The following BNC2 variants were observed in gnomAD, a reference collection of about 807,000 sequenced individuals.
BNC2 encodes the protein basonuclin zinc finger protein 2.
BNC2 carries 20 observed loss-of-function variants against 76.3 expected under a neutral mutation model. The ratio of observed to expected loss-of-function variants is 0.26; its 90% confidence interval spans 0.18 to 0.38. The LOEUF (loss-of-function observed/expected upper bound fraction) is 0.38, where lower values mean the gene tolerates loss of function less well. Ranked by LOEUF, BNC2 falls within the 10% of genes least tolerant of loss-of-function variation. The pLI is 1.00. For missense variants in BNC2, 1,382 were observed against 1,399.8 expected (o/e 0.99, Z 0.20); for synonymous variants, 582 against 514.8 (o/e 1.13, Z -1.77).
At chr9:16,464,438 G>C (rs1821660649) in intron 5 of BNC2, among the ~76,000 whole-genome samples, 1 of 152,074 alleles carries the variant, frequency 6.6e-6, no homozygotes, top group African/African-American at 2.4e-5. Flanking sequence ...AGAAACTTCA[G>C]CTGAGGTCAT....
intron 5 of BNC2, among the ~76,000 whole-genome samples, chr9:16,517,687 C>T (rs1817480261): frequency 6.6e-6 from 1 of 152,134 alleles, no homozygotes; most frequent in African/African-American, 2.4e-5. Context: ...TACTTCCTTC[C>T]TCCAAAGCTT....
intron 2 of BNC2, among the ~76,000 whole-genome samples, chr9:16,736,926 C>A (rs1329081554): frequency 6.6e-6 from 1 of 152,112 alleles, no homozygotes; most frequent in Non-Finnish European, 1.5e-5. Context: ...ACTGCCCCAG[C>A]CTCCCGAGTA....
intron 3 of BNC2, among the ~76,000 whole-genome samples, chr9:16,652,098 A>T (rs1821809992): frequency 1.3e-5 from 2 of 152,206 alleles, no homozygotes; most frequent in Non-Finnish European, 2.9e-5. Flanking sequence ...GTTAATACCC[A>T]AAGGCAGACT....
At position 16,436,456 on chromosome 9, in the gene BNC2, C is replaced by A. The variant is rs483353012; in HGVS notation, c.1738G>T (p.Gly580Trp). The A allele has an allele frequency of 6.8e-6, 11 of 1,614,058 alleles. No homozygotes were observed. The highest frequency in any genetic ancestry group is 9.3e-6 in the Non-Finnish European group (11 of 1,180,004). The change falls in exon 6 of 7, where the codon GGG (glycine) becomes TGG (tryptophan). Residue 580 changes from glycine (G) to tryptophan (W), a missense_variant. Physicochemically the swap from Gly to Trp is radical, Grantham distance 184 (BLOSUM62 -2). Around this residue, in one of 3 missense-constraint regions of BNC2, gnomAD observed 798 missense variants for 775.5 expected, o/e 1.03. Coordinates refer to ENST00000380672, the MANE Select transcript of BNC2 (RefSeq NM_017637.6). ...PPFYRSLLTP[G>W]EMVSPPTSLP... ...GAGGTTGGAGGACTCACCATTTCCCCTGGAGTGAGTAAACTTCTATAAAAT... is the reference window on the plus strand; with the variant it reads ...GAGGTTGGAGGACTCACCATTTCCCATGGAGTGAGTAAACTTCTATAAAAT...
chr9:16,759,792 C>G (rs546622302), intron 1 of BNC2, among the ~76,000 whole-genome samples: 1 of 151,692 alleles, frequency 6.6e-6, no homozygotes, highest in African/African-American at 2.4e-5. Flanking sequence ...GGCACCATCC[C>G]GGCTCACTGC....
chr9:16,631,781 C>T (rs1309877363), intron 3 of BNC2, among the ~76,000 whole-genome samples: 1 of 152,110 alleles, frequency 6.6e-6, no homozygotes, highest in Non-Finnish European at 1.5e-5. Context: ...CAGAAACACA[C>T]AGAGATTTCC....
intron 3 of BNC2, among the ~76,000 whole-genome samples, chr9:16,699,810 G>C (rs967738716): frequency 1.3e-5 from 2 of 152,152 alleles, no homozygotes; most frequent in African/African-American, 4.8e-5. Context: ...TAGCTAAAAA[G>C]TCTGGACTCT....
intron 1 of BNC2, among the ~76,000 whole-genome samples, chr9:16,816,280 AT>A (rs1393570427): frequency 1.3e-4 from 20 of 152,166 alleles, no homozygotes; most frequent in African/African-American, 4.8e-4. Flanking sequence ...ACCAGTGTTG[AT>A]TCTGATGAAC....
rs1385207025 is a variant in BNC2 at position 16,413,782 on chromosome 9, TGAAGA to T, written c.*5202_*5206del. ...TGTGGTTTATCTCTGAGGGAAAATGTGAAGAGAAGTTACTTACATACCTCATAGAA... is the reference window on the plus strand; with the variant it reads ...TGTGGTTTATCTCTGAGGGAAAATGTGAAGTTACTTACATACCTCATAGAA... On this transcript the variant is annotated 3_prime_UTR_variant, in exon 7 of 7. Coordinates refer to ENST00000380672, the MANE Select transcript of BNC2 (RefSeq NM_017637.6). The T allele has an allele frequency of 6.6e-6, 1 of 152,194 alleles. No homozygotes were observed. The highest frequency in any genetic ancestry group is 2.4e-5 in the African/African-American group (1 of 41,434). 9.4% of individuals were successfully genotyped at this position (152,194 alleles called of 1,614,324 possible). A position where few individuals can be genotyped will look rare whatever the true frequency, so the allele number is the denominator to read the frequency against.
chr9:16,442,043 A>G (rs1821139398), intron 5 of BNC2, among the ~76,000 whole-genome samples: 1 of 152,204 alleles, frequency 6.6e-6, no homozygotes, highest in African/African-American at 2.4e-5. Context: ...GCAATTTTGT[A>G]GCTGGTAAGT....
rs1265004528 is a variant in BNC2 at position 16,429,660 on chromosome 9, T to C, written c.2639+5895A>G. ...AAAAATAAGAGTTATATAGAAGCAT[T>C]GTATTTGTGCAACAGAGGTTATAAT... is the stretch of plus-strand genomic sequence containing the variant. On this transcript the variant is annotated intron_variant, in intron 6 of 6. Coordinates refer to ENST00000380672, the MANE Select transcript of BNC2 (RefSeq NM_017637.6). 4 of 255,356 alleles carry C rather than the reference T, an allele frequency of 1.6e-5. No individual in the cohort carries two copies. The South Asian group carries it at 1.9e-4, about 12-fold the overall frequency. The allele number at this position is 255,356 out of a possible 1,614,324, so 15.8% of individuals were successfully genotyped here.
chr9:16,659,159 T>C (rs1047421121), intron 3 of BNC2, among the ~76,000 whole-genome samples: 8 of 150,576 alleles, frequency 5.3e-5, no homozygotes, highest in Non-Finnish European at 7.4e-5. Flanking sequence ...GGGGGGGGCA[T>C]GTGAATGCAC....
intron 5 of BNC2, among the ~76,000 whole-genome samples, chr9:16,489,560 T>G (rs1822231208): frequency 1.3e-5 from 2 of 152,202 alleles, no homozygotes; most frequent in Admixed American, 1.3e-4. Flanking sequence ...ATAAATGTGT[T>G]GCTGACATTT....
chr9:16,677,065 G>C (rs1336562915), intron 3 of BNC2, among the ~76,000 whole-genome samples: 1 of 152,134 alleles, frequency 6.6e-6, no homozygotes, highest in Non-Finnish European at 1.5e-5. Context: ...TTCAAGATAT[G>C]TGAAAATTTC....
chr9:16,641,202 T>G (rs1821483362), intron 3 of BNC2, among the ~76,000 whole-genome samples: 1 of 152,214 alleles, frequency 6.6e-6, no homozygotes, highest in South Asian at 2.1e-4. Context: ...TGCACAAAAG[T>G]AATCACACTA....
At chr9:16,734,849 C>G (rs1824618494) in intron 2 of BNC2, among the ~76,000 whole-genome samples, 1 of 152,158 alleles carries the variant, frequency 6.6e-6, no homozygotes, top group African/African-American at 2.4e-5. Context: ...TGGAGGAGGA[C>G]ACAGGGTCAA....
At chr9:16,629,861 T>A (rs1243809959) in intron 3 of BNC2, among the ~76,000 whole-genome samples, 1 of 152,220 alleles carries the variant, frequency 6.6e-6, no homozygotes, top group Non-Finnish European at 1.5e-5. Context: ...TAGATGTTGA[T>A]GGCTGCTGAT....
intron 3 of BNC2, among the ~76,000 whole-genome samples, chr9:16,705,560 C>T (rs1465873233): frequency 6.6e-6 from 1 of 152,136 alleles, no homozygotes; most frequent in Non-Finnish European, 1.5e-5. Context: ...TGGGCAGACG[C>T]CAAAGGTTCT....
chr9:16,863,269 A>G (rs958124303), intron 1 of BNC2, among the ~76,000 whole-genome samples: 10 of 152,218 alleles, frequency 6.6e-5, no homozygotes, highest in African/African-American at 2.4e-4. Context: ...GCTGGGGCAT[A>G]GCCCTAGGAT....
Sources: allele counts gnomAD v4.1 joint callset (sites outside exome capture counted in the v4.1 genomes callset), GRCh38; gene constraint gnomAD v4.1.1; regional missense constraint gnomAD v4.1.1; transcripts MANE v1.5; gene names NCBI Gene and HGNC (gene_info 2026-07-23, HGNC 2026-07-21).